The following BCAT1 variants were observed in gnomAD, a reference collection of about 807,000 sequenced individuals.
BCAT1 encodes the protein branched-chain-amino-acid aminotransferase, cytosolic.
In BCAT1, 48 loss-of-function variants were observed where a neutral mutation model predicts 52.4. The observed-to-expected ratio is 0.92, with a 90% CI of 0.73 to 1.16. BCAT1 has a LOEUF of 1.16. Ranked by LOEUF, BCAT1 falls within the 50% of genes most tolerant of loss-of-function variation. The pLI, the probability that BCAT1 is intolerant of heterozygous loss-of-function variation, is 0.00. For missense variants in BCAT1, 451 were observed against 457.1 expected (o/e 0.99, Z 0.12); for synonymous variants, 167 against 161.3 (o/e 1.04, Z -0.27).
chr12:24,832,520 T>C (rs1291797321), intron 9 of BCAT1, among the ~76,000 whole-genome samples: 1 of 152,142 alleles, frequency 6.6e-6, no homozygotes, highest in Non-Finnish European at 1.5e-5. Flanking sequence ...CAGTGAGCTA[T>C]GATCACACCA....
chr12:24,910,023 G>A (rs957594618), intron 1 of BCAT1, among the ~76,000 whole-genome samples: 1 of 152,074 alleles, frequency 6.6e-6, no homozygotes, highest in African/African-American at 2.4e-5. Flanking sequence ...AGACCATAAG[G>A]CTGACTCAGA....
chr12:24,840,183 A>G (rs1459227620), intron 7 of BCAT1, among the ~76,000 whole-genome samples: 3 of 152,250 alleles, frequency 2.0e-5, no homozygotes, highest in Non-Finnish European at 1.5e-5. Flanking sequence ...ATTTTCCACC[A>G]GGACAGTTTC....
chr12:24,877,196 T>C (rs937503), intron 5 of BCAT1, among the ~76,000 whole-genome samples: 31,425 of 152,128 alleles, frequency 0.21, 3,696 homozygotes, highest in African/African-American at 0.32. Flanking sequence ...GTAGAAAACC[T>C]GGTAACCCCG....
At position 24,896,556 on chromosome 12, in the gene BCAT1, G is replaced by A. The variant is rs1160570879; in HGVS notation, c.79-2081C>T. ...GGCCGAGGCGGGTGGATCACCAAAG[G>A]TCAGGAGTTTGAGATCAACCTGGCA... On this transcript the variant is annotated intron_variant, in intron 2 of 10. Coordinates refer to ENST00000261192, the MANE Select transcript of BCAT1 (RefSeq NM_005504.7). 2.0e-5 allele frequency among the ~76,000 whole-genome samples: 3 copies of A among 152,126 alleles called. No individual in the cohort carries two copies. In the East Asian group the frequency reaches 5.8e-4, roughly 29 times the overall value.
chr12:24,930,113 T>C (rs1943656442), intron 1 of BCAT1, among the ~76,000 whole-genome samples: 1 of 152,156 alleles, frequency 6.6e-6, no homozygotes, highest in Admixed American at 6.5e-5. Flanking sequence ...ATGCCCAAAT[T>C]CTGGCTTTCT....
chr12:24,841,532 C>T (rs1015069461), intron 7 of BCAT1, among the ~76,000 whole-genome samples: 1 of 152,134 alleles, frequency 6.6e-6, no homozygotes, highest in African/African-American at 2.4e-5. Flanking sequence ...AATGTGACAT[C>T]TCAGTATCTC....
At chr12:24,948,843 TGCC>T (rs1279715723) in intron 1 of BCAT1, 81 bp downstream of exon 1, 1 of 1,482,484 alleles carries the variant, frequency 6.7e-7, no homozygotes, top group Non-Finnish European at 9.2e-7. Flanking sequence ...CTCCCCTCCC[TGCC>T]AACTATGTTT....
intron 5 of BCAT1, among the ~76,000 whole-genome samples, chr12:24,853,926 A>T (rs1941589292): frequency 1.3e-5 from 2 of 152,240 alleles, no homozygotes; most frequent in Admixed American, 1.3e-4. Context: ...TTTCAAATGC[A>T]GCATATTTAA....
At chr12:24,875,970 T>C (rs982665821) in intron 5 of BCAT1, among the ~76,000 whole-genome samples, 2 of 152,178 alleles carry the variant, frequency 1.3e-5, no homozygotes, top group Non-Finnish European at 2.9e-5. Flanking sequence ...ATCCATCGTA[T>C]CTTAGCTTAT....
chr12:24,828,868 C>T (rs1469454130), intron 10 of BCAT1, among the ~76,000 whole-genome samples: 1 of 151,240 alleles, frequency 6.6e-6, no homozygotes, highest in African/African-American at 2.4e-5. Flanking sequence ...TAGCCGGGAA[C>T]GGTGGCATGA....
intron 5 of BCAT1, among the ~76,000 whole-genome samples, chr12:24,851,938 C>A (rs1032949698): frequency 2.6e-5 from 4 of 151,980 alleles, no homozygotes; most frequent in African/African-American, 9.7e-5. Flanking sequence ...TCCTATGATA[C>A]GGTTTGGATT....
chr12:24,836,850 A>G (rs973640458), intron 7 of BCAT1, among the ~76,000 whole-genome samples: 1 of 145,598 alleles, frequency 6.9e-6, no homozygotes, highest in African/African-American at 2.5e-5. Context: ...GAGAGAGAGA[A>G]AGAAAGGAAG....
rs909389714 is a variant in BCAT1 at position 24,810,368 on chromosome 12, A to G, written c.*7640T>C. Reference sequence around the variant, plus strand: ...TTCATGATTTGAAAAATATGCTTAAATCACACTGAATCAGCTTAGCAGAAA... The same window carrying G: ...TTCATGATTTGAAAAATATGCTTAAGTCACACTGAATCAGCTTAGCAGAAA... On this transcript the variant is annotated 3_prime_UTR_variant, in exon 11 of 11. Transcript: ENST00000261192. 1 of 152,232 alleles carries G rather than the reference A, an allele frequency of 6.6e-6. No homozygotes were observed. The highest frequency in any genetic ancestry group is 1.5e-5 in the Non-Finnish European group (1 of 68,048). The allele number at this position is 152,232 out of a possible 1,614,324, so 9.4% of individuals were successfully genotyped here.
At chr12:24,827,024 A>G (rs1940430747) in intron 10 of BCAT1, among the ~76,000 whole-genome samples, 1 of 152,182 alleles carries the variant, frequency 6.6e-6, no homozygotes, top group African/African-American at 2.4e-5. Flanking sequence ...TATCAGTTCT[A>G]CAGGTTTTTT....
intron 1 of BCAT1, among the ~76,000 whole-genome samples, chr12:24,940,899 G>C (rs189048920): frequency 0.012 from 1,826 of 152,294 alleles, 16 homozygotes; most frequent in Non-Finnish European, 0.018. Flanking sequence ...CAAAATTCTA[G>C]GATTCAATGA....
intron 5 of BCAT1, 138 bp downstream of exon 5, chr12:24,878,392 T>C: frequency 1.2e-6 from 1 of 820,792 alleles, no homozygotes; most frequent in Non-Finnish European, 1.7e-6. Context: ...CTACCTCTAA[T>C]CTTGACAATC....
Position 24,902,963 on chromosome 12 carries a change from G to A in BCAT1, c.7-1078C>T. ...TCGAGGTACCTGGCGGGCAAGGGCC[G>A]CAGCGGAGCGAAGCGGGCTGGCCAT... On this transcript the variant is annotated intron_variant, in intron 1 of 10. Coordinates refer to ENST00000261192, the MANE Select transcript of BCAT1 (RefSeq NM_005504.7). 13 of 1,502,266 alleles carry A rather than the reference G, an allele frequency of 8.7e-6. No homozygotes were observed. Among genetic ancestry groups the A allele is most frequent in the South Asian group, 1.2e-5 (1 of 81,448 alleles). The allele number at this position is 1,502,266 out of a possible 1,614,324, so 93.1% of individuals were successfully genotyped here.
chr12:24,818,803 A>T (rs558590680), intron 10 of BCAT1, among the ~76,000 whole-genome samples: 6 of 152,330 alleles, frequency 3.9e-5, no homozygotes, highest in African/African-American at 1.2e-4. Context: ...TTTAATATTC[A>T]AAATGAAATT....
At chr12:24,833,695 C>A (rs1043347900) in intron 8 of BCAT1, 2 of 152,074 alleles carry the variant, frequency 1.3e-5, no homozygotes, top group African/African-American at 4.8e-5. Flanking sequence ...GATGAGGAAA[C>A]TAAGGTTCAA....
Sources: gnomAD v4.1 joint callset for allele counts (sites outside exome capture counted in the v4.1 genomes callset) on GRCh38, gnomAD v4.1.1 for gene constraint, MANE v1.5 for transcripts, NCBI Gene and HGNC (gene_info 2026-07-23, HGNC 2026-07-21) for gene names.